The following NATD1 variants were observed in gnomAD, a reference collection of about 807,000 sequenced individuals.
NATD1 encodes the protein protein NATD1.
A neutral mutation model predicts 12.0 loss-of-function variants in NATD1; 9 were observed. The ratio of observed to expected loss-of-function variants is 0.75; its 90% CI spans 0.45 to 1.30. The LOEUF is 1.30. Among genes scored for constraint, NATD1 ranks in the 50% most tolerant of loss-of-function variants. The probability of loss-of-function intolerance (pLI) is 0.00; values close to 1 mark genes in which losing one functional copy is unlikely to be tolerated. For synonymous variants in NATD1, 71 were observed against 65.9 expected, an observed-to-expected ratio of 1.08 and a Z score of -0.37; for missense variants, 148 against 148.5, an observed-to-expected ratio of 1.00 and a Z score of 0.02.
chr17:21,244,431 T>TA lies in NATD1; in HGVS notation c.107-208dup, dbSNP rs772955466. Among the ~76,000 whole-genome samples the TA allele has an allele frequency of 3.3e-5, 5 of 152,082 alleles. No individual in the cohort carries two copies. The highest frequency in any genetic ancestry group is 7.4e-5 in the Non-Finnish European group (5 of 68,020). ...GGGTGGTTTGGAGGATTAAATGAGG[T>TA]AACCTCTGTGACGTGCTTACAGCCA... On this transcript the variant is annotated intron_variant, in intron 1 of 2. Coordinates refer to ENST00000611551, the MANE Select transcript of NATD1 (RefSeq NM_152914.3). The surrounding 1 kb of genome is among the most constrained non-coding windows in gnomAD (Gnocchi z 5.2).
At chr17:21,247,228 G>A (rs4985994) in intron 1 of NATD1, among the ~76,000 whole-genome samples, 8,579 of 152,258 alleles carry the variant, frequency 0.056, 788 homozygotes, top group African/African-American at 0.19. Context: ...CACCCAGCTC[G>A]GCGTAGACAC....
chr17:21,239,004 A>T lies in NATD1; in HGVS notation c.*4309T>A, dbSNP rs1975238168. ...AAGTCACAGCCTTGCCGGAACTCTT[A>T]TGTAAAGTTTAGGGCATTGGATCTG... On this transcript the variant is annotated 3_prime_UTR_variant, in exon 3 of 3. Coordinates refer to ENST00000611551, the MANE Select transcript of NATD1 (RefSeq NM_152914.3). 1.3e-5 allele frequency: 2 copies of T among 152,316 alleles called. No homozygotes were observed. The highest frequency in any genetic ancestry group is 2.1e-4 in the South Asian group (1 of 4,828). 9.4% of individuals were successfully genotyped at this position (152,316 alleles called of 1,614,324 possible). A position where few individuals can be genotyped will look rare whatever the true frequency, so the allele number is the denominator to read the frequency against.
At position 21,239,367 on chromosome 17, in the gene NATD1, G is replaced by A. The variant is rs116582375; in HGVS notation, c.*3946C>T. 1 of 152,292 alleles carries A rather than the reference G, an allele frequency of 6.6e-6. No individual in the cohort carries two copies. Among genetic ancestry groups the A allele is most frequent in the African/African-American group, 2.4e-5 (1 of 41,534 alleles). The allele number at this position is 152,292 out of a possible 1,614,324, so 9.4% of individuals were successfully genotyped here. A position where few individuals can be genotyped will look rare whatever the true frequency, so the allele number is the denominator to read the frequency against. On this transcript the variant is annotated 3_prime_UTR_variant, in exon 3 of 3. Transcript: ENST00000611551. The stretch of plus-strand genomic sequence containing the variant: ...TGATGCCACCAAGAGGACGGGAGCT[G>A]GGCTGGGTCCTGAGCCCTTCTAGCG...
intron 1 of NATD1, among the ~76,000 whole-genome samples, chr17:21,246,787 C>T (rs1330551368): frequency 6.6e-6 from 1 of 152,122 alleles, no homozygotes; most frequent in Non-Finnish European, 1.5e-5. Context: ...GCAGGGCTGC[C>T]ACTGTAAAGA....
rs1287280098 is a variant in NATD1 at position 21,246,689 on chromosome 17, A to T, written c.107-2465T>A. Among the ~76,000 whole-genome samples, 4 of 152,246 alleles carry T rather than the reference A, an allele frequency of 2.6e-5. No homozygotes were observed. In the East Asian group the frequency reaches 7.7e-4, roughly 29 times the overall value. ...GGTGACAGAGTGAGACCCTGTCTCT[A>T]AATAAATACATACATCACAGAGGCC... is the stretch of plus-strand genomic sequence containing the variant. On this transcript the variant is annotated intron_variant, in intron 1 of 2. Coordinates refer to ENST00000611551, the MANE Select transcript of NATD1 (RefSeq NM_152914.3).
At chr17:21,252,850 C>T (rs1020254003) in intron 1 of NATD1, among the ~76,000 whole-genome samples, 1 of 152,046 alleles carries the variant, frequency 6.6e-6, no homozygotes, top group Non-Finnish European at 1.5e-5. Flanking sequence ...CCAGCTCCTG[C>T]CTCTGCCTTT....
Position 21,241,848 on chromosome 17 carries a change from G to A in NATD1, c.*1465C>T, listed in dbSNP as rs1975276627. The A allele has an allele frequency of 1.3e-5, 2 of 152,254 alleles. No homozygotes were observed. The highest frequency in any genetic ancestry group is 2.9e-5 in the Non-Finnish European group (2 of 68,422). 9.4% of individuals were successfully genotyped at this position (152,254 alleles called of 1,614,324 possible). A position where few individuals can be genotyped will look rare whatever the true frequency, so the allele number is the denominator to read the frequency against. ...TGCTGTTGCTGGAGAAGGAATGTGG[G>A]GGGTCTCGGTGCCAAGACTGGGGAT... On this transcript the variant is annotated 3_prime_UTR_variant, in exon 3 of 3. Coordinates refer to ENST00000611551, the MANE Select transcript of NATD1 (RefSeq NM_152914.3).
chr17:21,243,446 G>A lies in NATD1; in HGVS notation c.226-17C>T, dbSNP rs775093263. 6.2e-7 allele frequency: 1 copy of A among 1,601,434 alleles called. No individual in the cohort carries two copies. Among genetic ancestry groups the A allele is most frequent in the Non-Finnish European group, 8.5e-7 (1 of 1,172,032 alleles). On this transcript the variant is annotated splice_polypyrimidine_tract_variant and intron_variant, in intron 2 of 2. Transcript: ENST00000611551. ...CAGGGCGGCCTGGGAGCCGGGCAGA[G>A]AGGAGAGTGGTCAGGGCCTGCAGCC...
intron 1 of NATD1, among the ~76,000 whole-genome samples, chr17:21,245,692 T>A (rs1189406484): frequency 3.3e-5 from 5 of 152,134 alleles, no homozygotes; most frequent in Non-Finnish European, 7.4e-5. Flanking sequence ...CCATTCTTTC[T>A]GCTCCACCGA....
intron 1 of NATD1, among the ~76,000 whole-genome samples, chr17:21,247,560 G>T (rs1255128026): frequency 6.6e-6 from 1 of 152,252 alleles, no homozygotes; most frequent in Non-Finnish European, 1.5e-5. Flanking sequence ...AGGTGGTGGT[G>T]ATCATCCCGG....
chr17:21,250,562 C>G (rs745607421), intron 1 of NATD1, among the ~76,000 whole-genome samples: 1 of 152,094 alleles, frequency 6.6e-6, no homozygotes, highest in African/African-American at 2.4e-5. Flanking sequence ...CAAATACTTG[C>G]GGGGTGAATC....
In NATD1 at chr17:21,242,988, C is replaced by T; in HGVS notation, c.*325G>A. 1 of 237,010 alleles carries T rather than the reference C, an allele frequency of 4.2e-6. No individual in the cohort carries two copies. 14.7% of individuals were successfully genotyped at this position (237,010 alleles called of 1,614,324 possible). A position where few individuals can be genotyped will look rare whatever the true frequency, so the allele number is the denominator to read the frequency against. On this transcript the variant is annotated 3_prime_UTR_variant, in exon 3 of 3. Coordinates refer to ENST00000611551, the MANE Select transcript of NATD1 (RefSeq NM_152914.3). ...CAGGGGTCCCACACTGGCCCTCCTG[C>T]TGATCTCCAAGTGGAGCCCGGTGGG...
intron 1 of NATD1, among the ~76,000 whole-genome samples, chr17:21,248,675 A>C (rs570691366): frequency 6.6e-6 from 1 of 152,284 alleles, no homozygotes; most frequent in East Asian, 1.9e-4. Context: ...ACATAGGCAT[A>C]GCCTCTGGGC....
chr17:21,246,929 G>A (rs1016963596), intron 1 of NATD1, among the ~76,000 whole-genome samples: 3 of 152,198 alleles, frequency 2.0e-5, no homozygotes, highest in South Asian at 2.1e-4. Flanking sequence ...CAAACAAGCC[G>A]GGAGTGAGGG....
At position 21,251,295 on chromosome 17, in the gene NATD1, A is replaced by AAAG. The variant is rs1237344612; in HGVS notation, c.106+1863_106+1864insCTT. On this transcript the variant is annotated intron_variant, in intron 1 of 2. Coordinates refer to ENST00000611551, the MANE Select transcript of NATD1 (RefSeq NM_152914.3). Reference sequence around the variant, plus strand: ...CCCACTTGGAAGAGAAAGAAAAAGAAAAAAAAAAAAAAAAAACAAACGTAT... The same window carrying AAAG: ...CCCACTTGGAAGAGAAAGAAAAAGAAAAGAAAAAAAAAAAAAAAACAAACGTAT... 6.9e-3 allele frequency among the ~76,000 whole-genome samples: 1,017 copies of AAAG among 146,444 alleles called. 13 individuals are homozygous for AAAG. The highest frequency in any genetic ancestry group is 0.028 in the South Asian group (130 of 4,702).
rs1699047342 is a variant in NATD1, at chr17:21,241,876, C to G, written c.*1437G>C. On this transcript the variant is annotated 3_prime_UTR_variant, in exon 3 of 3. Coordinates refer to ENST00000611551, the MANE Select transcript of NATD1 (RefSeq NM_152914.3). Reference sequence around the variant, plus strand: ...GTCTCGGTGCCAAGACTGGGGATAGCAAGGAGGTGAGTGGGAAATGCAACC... The same window carrying G: ...GTCTCGGTGCCAAGACTGGGGATAGGAAGGAGGTGAGTGGGAAATGCAACC... 1 of 151,082 alleles carries G rather than the reference C, an allele frequency of 6.6e-6. No individual in the cohort carries two copies. The highest frequency in any genetic ancestry group is 2.5e-5 in the African/African-American group (1 of 40,686). The allele number at this position is 151,082 out of a possible 1,614,324, so 9.4% of individuals were successfully genotyped here.
rs544513896 is a variant in NATD1 at position 21,243,340 on chromosome 17, C to A, written c.315G>T (p.Pro105=). The part of the protein sequence containing the change: ...IQKYVKENPL[P]QYLERLQP The stretch of plus-strand genomic sequence containing the variant: ...ACGGCTGCAGGCGCTCCAGGTACTG[C>A]GGCAGGGGGTTCTCCTTGACGTACT... Residue 105 remains proline (P), a synonymous_variant, in exon 3 of 3, where the codon CCG becomes CCT. Transcript: ENST00000611551. 2 of 1,612,978 alleles carry A rather than the reference C, an allele frequency of 1.2e-6. No individual in the cohort carries two copies. Among genetic ancestry groups the A allele is most frequent in the East Asian group, 4.5e-5 (2 of 44,874 alleles).
chr17:21,251,447 C>T (rs547718520), intron 1 of NATD1, among the ~76,000 whole-genome samples: 4 of 152,236 alleles, frequency 2.6e-5, no homozygotes, highest in Admixed American at 6.5e-5. Context: ...TCGCCAGGGC[C>T]CCGAGTGTCC....
In NATD1 at chr17:21,244,022, C is replaced by T; in HGVS notation, c.225+84G>A. The T allele has an allele frequency of 7.8e-7, 1 of 1,275,008 alleles. No individual in the cohort carries two copies. The highest frequency in any genetic ancestry group is 1.1e-6 in the Non-Finnish European group (1 of 919,830). 79.0% of individuals were successfully genotyped at this position (1,275,008 alleles called of 1,614,324 possible). ...GGGCCAAGAAGCAGGCTGAAGTGGCCACCAGGGCCACCGTCTCCTCGGAGC... is the reference window on the plus strand; with the variant it reads ...GGGCCAAGAAGCAGGCTGAAGTGGCTACCAGGGCCACCGTCTCCTCGGAGC... On this transcript the variant is annotated intron_variant, in intron 2 of 2. Coordinates refer to ENST00000611551, the MANE Select transcript of NATD1 (RefSeq NM_152914.3). This position sits in a 1 kb window ranked among gnomAD's most constrained non-coding sequence, Gnocchi z 5.2.
Sources: allele counts gnomAD v4.1 joint callset (sites outside exome capture counted in the v4.1 genomes callset), GRCh38; gene constraint gnomAD v4.1.1; non-coding constraint Gnocchi (gnomAD v3.1); transcripts MANE v1.5; gene names NCBI Gene and HGNC (gene_info 2026-07-23, HGNC 2026-07-21).